Variants in SLC25A12 observed in about 807,000 individuals in gnomAD.
SLC25A12 encodes solute carrier family 25 member 12, also known as electrogenic aspartate/glutamate antiporter SLC25A12, mitochondrial.
In SLC25A12, 32 loss-of-function variants were observed where a neutral mutation model predicts 83.3. The observed-to-expected ratio is 0.38, with a 90% CI of 0.29 to 0.52. SLC25A12 has a LOEUF of 0.52. Ranked by LOEUF, SLC25A12 falls within the 20% of genes least tolerant of loss-of-function variation. The pLI is 0.84. For missense variants in SLC25A12, 611 were observed against 835.6 expected (o/e 0.73, Z 3.31); for synonymous variants, 267 against 291.1 (o/e 0.92, Z 0.84).
intron 4 of SLC25A12, among the ~76,000 whole-genome samples, chr2:171,844,743 T>A (rs1005344708): frequency 1.3e-5 from 2 of 152,172 alleles, no homozygotes; most frequent in African/African-American, 4.8e-5. Flanking sequence ...GCCATGAGAT[T>A]CTTAATTTCT....
chr2:171,806,254 G>A (rs925990095), intron 13 of SLC25A12, among the ~76,000 whole-genome samples: 2 of 152,184 alleles, frequency 1.3e-5, no homozygotes, highest in African/African-American at 2.4e-5. Flanking sequence ...GAGGTCGGGA[G>A]TTTGAGACCA....
chr2:171,816,889 A>G (rs12053046), intron 9 of SLC25A12, among the ~76,000 whole-genome samples: 31,960 of 152,144 alleles, frequency 0.21, 4,150 homozygotes, highest in East Asian at 0.58. Flanking sequence ...TGACTCCCCA[A>G]AATTCATGTG....
intron 2 of SLC25A12, among the ~76,000 whole-genome samples, chr2:171,880,476 C>T (rs1685667300): frequency 1.3e-5 from 2 of 152,056 alleles, no homozygotes; most frequent in Admixed American, 1.3e-4. Flanking sequence ...CGGGGTTTTA[C>T]CATGTTGGCC....
At chr2:171,798,649 C>T (rs1683648015) in intron 13 of SLC25A12, among the ~76,000 whole-genome samples, 1 of 152,204 alleles carries the variant, frequency 6.6e-6, no homozygotes, top group Non-Finnish European at 1.5e-5. Context: ...CAGGAACAGA[C>T]AGTGACTCAG....
chr2:171,880,194 CAT>C (rs1685661069), intron 2 of SLC25A12, among the ~76,000 whole-genome samples: 1 of 152,164 alleles, frequency 6.6e-6, no homozygotes, highest in South Asian at 2.1e-4. Flanking sequence ...TATGGTGATT[CAT>C]TATACCATTT....
chr2:171,864,844 C>A (rs1323025192), intron 3 of SLC25A12, among the ~76,000 whole-genome samples: 2 of 152,036 alleles, frequency 1.3e-5, no homozygotes, highest in Admixed American at 1.3e-4. Context: ...TTACTTTTTT[C>A]CTTTGTTTAG....
intron 2 of SLC25A12, among the ~76,000 whole-genome samples, chr2:171,892,878 C>T (rs980545555): frequency 3.3e-5 from 5 of 152,092 alleles, no homozygotes; most frequent in Non-Finnish European, 7.4e-5. Flanking sequence ...TTTTAGTCAT[C>T]ATACCTATTA....
chr2:171,833,483 C>A (rs183273878), intron 8 of SLC25A12, among the ~76,000 whole-genome samples: 397 of 152,300 alleles, frequency 2.6e-3, no homozygotes, highest in African/African-American at 9.0e-3. Context: ...ACAGGCCAGG[C>A]TGGTCTCAAA....
At chr2:171,801,491 C>T (rs901021852) in intron 13 of SLC25A12, among the ~76,000 whole-genome samples, 2 of 151,970 alleles carry the variant, frequency 1.3e-5, no homozygotes, top group African/African-American at 2.4e-5. Context: ...TTTGTGTCTT[C>T]GAATAAACAT....
chr2:171,836,945 TACAC>T (rs751335257), intron 6 of SLC25A12, among the ~76,000 whole-genome samples, 172 bp downstream of exon 6: 1 of 146,552 alleles, frequency 6.8e-6, no homozygotes, highest in African/African-American at 2.5e-5. Context: ...TACATTCACG[TACAC>T]ACACACACAT....
In SLC25A12 at chr2:171,840,028, T is replaced by G. The variant is rs889191220; in HGVS notation, c.466-2761A>C. ...ACAGTTGAGAGGGAGAATACTACAG[T>G]GAAAAAAGGTAGTAAACTGAAAGTC... On this transcript the variant is annotated intron_variant, in intron 5 of 17. Transcript: ENST00000422440. Among the ~76,000 whole-genome samples the G allele has an allele frequency of 6.6e-5, 10 of 152,074 alleles. 1 individual carries two copies. Among genetic ancestry groups the G allele is most frequent in the African/African-American group, 2.4e-4 (10 of 41,506 alleles).
At chr2:171,813,626 T>C (rs1427487283) in intron 10 of SLC25A12, 129 bp from the exon 11 acceptor site, 1 of 1,070,206 alleles carries the variant, frequency 9.3e-7, no homozygotes, top group Non-Finnish European at 1.4e-6. Flanking sequence ...AGAGAGTTTA[T>C]TATTTTTCTT....
chr2:171,803,910 C>A (rs1403121956), intron 13 of SLC25A12, among the ~76,000 whole-genome samples: 1 of 152,018 alleles, frequency 6.6e-6, no homozygotes, highest in Non-Finnish European at 1.5e-5. Context: ...AAGGATGTAG[C>A]CACTTTGAAA....
At chr2:171,810,992 A>G (rs1212449853) in intron 11 of SLC25A12, among the ~76,000 whole-genome samples, 1 of 152,218 alleles carries the variant, frequency 6.6e-6, no homozygotes, top group African/African-American at 2.4e-5. Context: ...TAAATTCCCC[A>G]GGCTGGTTGT....
intron 13 of SLC25A12, among the ~76,000 whole-genome samples, chr2:171,805,406 C>T (rs895993716): frequency 6.6e-6 from 1 of 152,088 alleles, no homozygotes; most frequent in Admixed American, 6.6e-5. Context: ...CCACCGCCCC[C>T]GGCCTAAAGG....
intron 8 of SLC25A12, 82 bp from the exon 9 acceptor site, chr2:171,826,964 A>C (rs1392387410): frequency 7.6e-6 from 6 of 787,846 alleles, no homozygotes; most frequent in South Asian, 1.5e-5. Context: ...AAAAAAAAAC[A>C]AAAAACAGTG....
At chr2:171,866,664 G>A (rs565603497) in intron 3 of SLC25A12, among the ~76,000 whole-genome samples, 2 of 134,072 alleles carry the variant, frequency 1.5e-5, no homozygotes, top group South Asian at 5.1e-4. Flanking sequence ...CTCCCGAACG[G>A]GGCGGCTGGC....
chr2:171,875,115 C>A (rs1685537037), intron 2 of SLC25A12, among the ~76,000 whole-genome samples: 1 of 152,204 alleles, frequency 6.6e-6, no homozygotes, highest in Non-Finnish European at 1.5e-5. Context: ...GGGAGTGTGA[C>A]CTTTATAACT....
chr2:171,800,538 T>G (rs909409769), intron 13 of SLC25A12, among the ~76,000 whole-genome samples: 4 of 152,212 alleles, frequency 2.6e-5, no homozygotes, highest in South Asian at 2.1e-4. Context: ...TAGGAGACTA[T>G]AAAATGATCC....
Sources: gnomAD v4.1 joint callset for allele counts (sites outside exome capture counted in the v4.1 genomes callset) on GRCh38, gnomAD v4.1.1 for gene constraint, MANE v1.5 for transcripts, NCBI Gene and HGNC (gene_info 2026-07-23, HGNC 2026-07-21) for gene names.